CGRRF1: variants seen among roughly 807,000 people sequenced by gnomAD.
CGRRF1 encodes cell growth regulator with ring finger domain 1, also known as cell growth regulator with RING finger domain protein 1.
A neutral mutation model predicts 37.2 loss-of-function variants in CGRRF1; 32 were observed. The ratio of observed to expected loss-of-function variants is 0.86; its 90% confidence interval spans 0.65 to 1.16. The LOEUF (loss-of-function observed/expected upper bound fraction) is 1.16, where lower values mean the gene tolerates loss of function less well. Ranked by LOEUF, CGRRF1 falls within the 50% of genes most tolerant of loss-of-function variation. The pLI is 0.00. For missense variants in CGRRF1, 391 were observed against 382.6 expected (o/e 1.02, Z -0.18); for synonymous variants, 141 against 140.3 (o/e 1.00, Z -0.04).
rs1345729762 is a variant in CGRRF1, at chr14:54,530,095, A to T, written c.291A>T (p.Thr97=). 1 of 1,613,132 alleles carries T rather than the reference A, an allele frequency of 6.2e-7. No individual in the cohort carries two copies. The highest frequency in any genetic ancestry group is 1.3e-5 in the African/African-American group (1 of 74,898). The change falls in exon 3 of 6, where the codon ACA becomes ACT. Residue 97 remains threonine (T), a synonymous_variant. Transcript: ENST00000216420. ...ATTGCCTTGAAGATAGCCTCCTTAC[A>T]TGCTACTGGGGGTGCAGTGTTCAAA... ...TTDCLEDSLL[T]CYWGCSVQKL... is the part of the protein sequence containing the mutation.
chr14:54,531,702 T>C (rs982130930), intron 4 of CGRRF1, among the ~76,000 whole-genome samples: 8 of 152,290 alleles, frequency 5.3e-5, no homozygotes, highest in African/African-American at 1.9e-4. Flanking sequence ...TCTCCTTTCC[T>C]CATTATGTGC....
In CGRRF1 at chr14:54,510,139, G is replaced by C. The variant is rs2032106093; in HGVS notation, c.104+76G>C. On this transcript the variant is annotated intron_variant, in intron 1 of 5. Coordinates refer to ENST00000216420, the MANE Select transcript of CGRRF1 (RefSeq NM_006568.3). ...GTCGCGACGAGCAGCAGGGGGCACC[G>C]GAGCCGGAGGGCCGCGGGCCGGAGG... The C allele has an allele frequency of 5.5e-6, 6 of 1,093,674 alleles. No homozygotes were observed. In the South Asian group the frequency reaches 6.6e-5, roughly 12 times the overall value. The allele number at this position is 1,093,674 out of a possible 1,614,324, so 67.7% of individuals were successfully genotyped here. A position where few individuals can be genotyped will look rare whatever the true frequency, so the allele number is the denominator to read the frequency against.
intron 4 of CGRRF1, 111 bp from the exon 5 acceptor site, chr14:54,537,611 T>G (rs1250942622): frequency 1.2e-5 from 12 of 971,880 alleles, no homozygotes; most frequent in Non-Finnish European, 1.6e-5. Flanking sequence ...AGCATTTTTC[T>G]TTTTTTTTGG....
chr14:54,531,784 G>A lies in CGRRF1; in HGVS notation c.570+734G>A, dbSNP rs2032519518. On this transcript the variant is annotated intron_variant, in intron 4 of 5. Transcript: ENST00000216420. Reference sequence around the variant, plus strand: ...AGTATCTTAGAGATCTAAGAGGACTGAAACTTTGACAATCATCTGAGTATA... The same window carrying A: ...AGTATCTTAGAGATCTAAGAGGACTAAAACTTTGACAATCATCTGAGTATA... 2.0e-5 allele frequency among the ~76,000 whole-genome samples: 3 copies of A among 152,106 alleles called. No homozygotes were observed. In the South Asian group the frequency reaches 6.2e-4, roughly 31 times the overall value.
intron 1 of CGRRF1, among the ~76,000 whole-genome samples, chr14:54,512,774 A>G (rs1476742179): frequency 6.6e-6 from 1 of 152,250 alleles, no homozygotes; most frequent in Non-Finnish European, 1.5e-5. Flanking sequence ...CTACTCTGCT[A>G]GAATCAGCCT....
chr14:54,515,721 A>G (rs1050891340), intron 1 of CGRRF1, among the ~76,000 whole-genome samples: 8 of 152,154 alleles, frequency 5.3e-5, no homozygotes, highest in Admixed American at 1.3e-4. Context: ...GTCTGGTATT[A>G]ATGTAGCTAC....
chr14:54,525,938 A>T (rs2032404019), intron 2 of CGRRF1, among the ~76,000 whole-genome samples: 1 of 151,910 alleles, frequency 6.6e-6, no homozygotes, highest in East Asian at 2.0e-4. Flanking sequence ...TCTACTAAAA[A>T]TACAAAAATT....
At chr14:54,527,131 C>A (rs963776822) in intron 2 of CGRRF1, among the ~76,000 whole-genome samples, 1 of 152,020 alleles carries the variant, frequency 6.6e-6, no homozygotes, top group African/African-American at 2.4e-5. Flanking sequence ...CGTCCCAATT[C>A]TGTTAATGCT....
chr14:54,526,144 A>ATTTT (rs745596386), intron 2 of CGRRF1, among the ~76,000 whole-genome samples: 30 of 107,074 alleles, frequency 2.8e-4, no homozygotes, highest in East Asian at 5.9e-4. Flanking sequence ...TATATTTAAG[A>ATTTT]TTTTTTTTTT....
chr14:54,516,620 G>T (rs1259993444), intron 1 of CGRRF1, among the ~76,000 whole-genome samples: 1 of 151,984 alleles, frequency 6.6e-6, no homozygotes, highest in Non-Finnish European at 1.5e-5. Flanking sequence ...TAAGCAATTT[G>T]ATTATTATGT....
chr14:54,518,648 C>T lies in CGRRF1; in HGVS notation c.105-3806C>T, dbSNP rs539483763. 1.5e-3 allele frequency among the ~76,000 whole-genome samples: 225 copies of T among 151,870 alleles called. 1 individual carries two copies. The highest frequency in any genetic ancestry group is 5.1e-3 in the Admixed American group (77 of 15,246). ...TTTTAATAATTGCCATTATGACTGGCGTGAAATGGTATCTCATTGTGGTTT... is the reference window on the plus strand; with the variant it reads ...TTTTAATAATTGCCATTATGACTGGTGTGAAATGGTATCTCATTGTGGTTT... On this transcript the variant is annotated intron_variant, in intron 1 of 5. Transcript: ENST00000216420.
chr14:54,527,692 GGGTAGT>G (rs1281326208), intron 2 of CGRRF1, among the ~76,000 whole-genome samples: 2 of 151,262 alleles, frequency 1.3e-5, no homozygotes, highest in African/African-American at 4.9e-5. Context: ...CAAATAAACA[GGGTAGT>G]TTTATATGTT....
At chr14:54,517,517 G>A (rs1231135052) in intron 1 of CGRRF1, among the ~76,000 whole-genome samples, 2 of 152,102 alleles carry the variant, frequency 1.3e-5, no homozygotes, top group Non-Finnish European at 2.9e-5. Flanking sequence ...TGGAAGATTC[G>A]TTTTGTTTTG....
At chr14:54,525,393 G>T (rs2140060947) in intron 2 of CGRRF1, among the ~76,000 whole-genome samples, 1 of 152,324 alleles carries the variant, frequency 6.6e-6, no homozygotes, top group Non-Finnish European at 1.5e-5. Flanking sequence ...CCAGTAAGTA[G>T]CCCTCTTAGC....
intron 2 of CGRRF1, among the ~76,000 whole-genome samples, chr14:54,527,002 A>G (rs1259112481): frequency 6.6e-6 from 1 of 151,930 alleles, no homozygotes; most frequent in Non-Finnish European, 1.5e-5. Flanking sequence ...ACTTTTTTGC[A>G]AGGCTGTCTC....
At chr14:54,511,850 C>T (rs953612490) in intron 1 of CGRRF1, among the ~76,000 whole-genome samples, 1 of 152,216 alleles carries the variant, frequency 6.6e-6, no homozygotes, top group Non-Finnish European at 1.5e-5. Flanking sequence ...GCTGAGGCCA[C>T]AAGACCATGT....
chr14:54,515,881 T>A (rs902176811), intron 1 of CGRRF1, among the ~76,000 whole-genome samples: 2 of 152,200 alleles, frequency 1.3e-5, no homozygotes, highest in Non-Finnish European at 2.9e-5. Context: ...AATCTTTGCC[T>A]TTTAACTAGG....
At chr14:54,525,598 T>TTTG (rs1294561706) in intron 2 of CGRRF1, among the ~76,000 whole-genome samples, 2 of 152,242 alleles carry the variant, frequency 1.3e-5, no homozygotes, top group Admixed American at 6.5e-5. Context: ...GTAAAATTCA[T>TTTG]TTGTTTAAAC....
intron 2 of CGRRF1, among the ~76,000 whole-genome samples, chr14:54,524,385 GTT>G (rs530976044): frequency 4.6e-5 from 6 of 131,636 alleles, no homozygotes; most frequent in African/African-American, 5.5e-5. Flanking sequence ...AAAAATATAT[GTT>G]TTTTTTTTTT....
Sources: allele counts gnomAD v4.1 joint callset (sites outside exome capture counted in the v4.1 genomes callset), GRCh38; gene constraint gnomAD v4.1.1; transcripts MANE v1.5; gene names NCBI Gene and HGNC (gene_info 2026-07-23, HGNC 2026-07-21).